MED12: variants seen among roughly 807,000 people sequenced by gnomAD.
The protein encoded by MED12 is mediator complex subunit 12, also known as mediator of RNA polymerase II transcription subunit 12.
MED12 carries 10 observed loss-of-function variants against 177.7 expected under a neutral mutation model. The ratio of observed to expected loss-of-function variants is 0.06; its 90% CI spans 0.03 to 0.10. MED12 has a LOEUF of 0.10. MED12 is among the 10% of genes least tolerant of loss of function. The pLI, the probability that MED12 is intolerant of heterozygous loss-of-function variation, is 1.00. For missense variants in MED12, 867 were observed against 1,780.8 expected (o/e 0.49, Z 9.23); for synonymous variants, 641 against 678.4 (o/e 0.94, Z 0.86).
In MED12 at chrX:71,118,705, C is replaced by T. The variant is rs2092281214; in HGVS notation, c.-50C>T. ...GGCTCCCTCTCCCCCTTCCCGTTCC[C>T]CCAGTCAGCCTGGCCCTGCTGGTGC... On this transcript the variant is annotated 5_prime_UTR_variant, in exon 1 of 45. Coordinates refer to ENST00000374080, the MANE Select transcript of MED12 (RefSeq NM_005120.3). 8.8e-7 allele frequency: 1 copy of T among 1,137,690 alleles called. No homozygotes were observed. Among genetic ancestry groups the T allele is most frequent in the Admixed American group, 2.4e-5 (1 of 41,960 alleles). 93.8% of individuals were successfully genotyped at this position (1,137,690 alleles called of 1,213,427 possible).
Position 71,127,344 on chromosome X carries a change from G to T in MED12, c.2858G>T (p.Gly953Val). The T allele has an allele frequency of 8.3e-7, 1 of 1,211,489 alleles. No homozygotes were observed. Among genetic ancestry groups the T allele is most frequent in the Non-Finnish European group, 1.1e-6 (1 of 895,387 alleles). The change falls in exon 21 of 45, where the codon GGC becomes GTC. Residue 953 changes from glycine to valine, a missense_variant. This residue lies in a region of MED12 where 70 missense variants were observed against 143.6 expected (regional missense o/e 0.49). Transcript: ENST00000374080. ...CTTGCTTCTTCATGCAGGCTGTGTG[G>T]CGTCGTGAAGCATGGGATGAACCGG... ...QMAQVFEGLC[G>V]VVKHGMNRSD...
intron 4 of MED12, 142 bp from the exon 5 acceptor site, chrX:71,120,829 C>G: frequency 2.9e-6 from 2 of 694,142 alleles, no homozygotes; most frequent in Non-Finnish European, 4.4e-6. Flanking sequence ...AGGCTGGTCT[C>G]GAACTCCTGA....
rs1048430774 is a variant in MED12 at position 71,118,619 on chromosome X, T to G, written c.-136T>G. 3 of 549,308 alleles carry G rather than the reference T, an allele frequency of 5.5e-6. No individual in the cohort carries two copies. The highest frequency in any genetic ancestry group is 2.3e-5 in the African/African-American group (1 of 43,293). 45.3% of individuals were successfully genotyped at this position (549,308 alleles called of 1,213,427 possible). A position where few individuals can be genotyped will look rare whatever the true frequency, so the allele number is the denominator to read the frequency against. On this transcript the variant is annotated 5_prime_UTR_variant, in exon 1 of 45. Coordinates refer to ENST00000374080, the MANE Select transcript of MED12 (RefSeq NM_005120.3). ...GTAGTTTCCGGCAATGGTCGAGAGT[T>G]TCTAACGTGCCCCCTTGTTGTCTCT...
In MED12 at chrX:71,140,758, A is replaced by ACAGCAGCAACAGCAACAGCAGCAG. The variant is rs773709991; in HGVS notation, c.6201_6224dup (p.Gln2069_Gln2076dup). The ACAGCAGCAACAGCAACAGCAGCAG allele has an allele frequency of 4.1e-6, 5 of 1,206,389 alleles. No individual in the cohort carries two copies. The highest frequency in any genetic ancestry group is 3.6e-5 in the African/African-American group (2 of 56,271). ...TACCTGAGCAGCAGCAGCAGCAGCA[A>ACAGCAGCAACAGCAACAGCAGCAG]CAGCAGCAACAGCAACAGCAGCAGC... On this transcript the variant is annotated inframe_insertion, in exon 42 of 45. Transcript: ENST00000374080.
chrX:71,124,636 G>C, intron 13 of MED12, 128 bp from the exon 14 acceptor site: 4 of 580,127 alleles, frequency 6.9e-6, no homozygotes, highest in Non-Finnish European at 1.2e-5. Context: ...GATTGGATGA[G>C]GCTTGACTCC....
At position 71,127,360 on chromosome X, in the gene MED12, G is replaced by C; in HGVS notation, c.2874G>C (p.Gly958=). 8.3e-7 allele frequency: 1 copy of C among 1,211,641 alleles called. No homozygotes were observed. The highest frequency in any genetic ancestry group is 1.1e-6 in the Non-Finnish European group (1 of 895,340). The stretch of plus-strand genomic sequence containing the variant: ...GGCTGTGTGGCGTCGTGAAGCATGG[G>C]ATGAACCGGTCCGATGGCTCCTCTG... ...FEGLCGVVKH[G]MNRSDGSSAE... Residue 958 remains glycine (G), a synonymous_variant, in exon 21 of 45, where the codon GGG becomes GGC. Coordinates refer to ENST00000374080, the MANE Select transcript of MED12 (RefSeq NM_005120.3).
At chrX:71,130,325 A>G in intron 28 of MED12, 111 bp downstream of exon 28, 1 of 813,453 alleles carries the variant, frequency 1.2e-6, no homozygotes, top group Non-Finnish European at 1.8e-6. Context: ...GAAGACAAAC[A>G]AGGATATAGG....
chrX:71,120,220 T>C (rs892266957), intron 4 of MED12, 50 bp downstream of exon 4: 1 of 1,134,663 alleles, frequency 8.8e-7, no homozygotes, highest in Non-Finnish European at 1.2e-6. Flanking sequence ...CAAGGAGTGA[T>C]AGAGACACCC....
intron 42 of MED12, 63 bp downstream of exon 42, chrX:71,140,920 T>C (rs977772482): frequency 2.6e-5 from 31 of 1,193,176 alleles, no homozygotes; most frequent in Non-Finnish European, 3.4e-5. Flanking sequence ...CACAAGTTCT[T>C]CCCACACAGT....
rs760423553 is a variant in MED12, at chrX:71,132,476, G to A, written c.4353G>A (p.Leu1451=). The A allele has an allele frequency of 9.1e-6, 11 of 1,206,817 alleles. No individual in the cohort carries two copies. The highest frequency in any genetic ancestry group is 3.6e-5 in the South Asian group (2 of 56,169). ...TGTTAAAGGCTGCTGGGGAAGAATT[G>A]GAGAAGGGTCAGCACCTGGGTTCCT... ...GHVLKAAGEE[L]EKGQHLGSSS... The change falls in exon 31 of 45, where the codon TTG becomes TTA. Residue 1451 remains leucine, a synonymous_variant. Coordinates refer to ENST00000374080, the MANE Select transcript of MED12 (RefSeq NM_005120.3).
In MED12 at chrX:71,141,241, A is replaced by G. The variant is rs1050062166; in HGVS notation, c.6279A>G (p.Gln2093=). The change falls in exon 43 of 45, where the codon CAA becomes CAG. Residue 2093 remains glutamine, a synonymous_variant. Transcript: ENST00000374080. Reference sequence around the variant, plus strand: ...TTGTGTTCTTATAGCAGCAGCAGCAACAGCAACAGCAGCAGCAGCAGCAGC... The same window carrying G: ...TTGTGTTCTTATAGCAGCAGCAGCAGCAGCAACAGCAGCAGCAGCAGCAGC... ...QQQQILRQQQ[Q]QQQQQQQQQQ... is the part of the protein sequence containing the mutation. 5 of 1,161,297 alleles carry G rather than the reference A, an allele frequency of 4.3e-6. No individual in the cohort carries two copies. The highest frequency in any genetic ancestry group is 1.9e-5 in the South Asian group (1 of 52,431).
intron 12 of MED12, 98 bp downstream of exon 12, chrX:71,123,818 C>A (rs897904756): frequency 5.1e-5 from 46 of 897,791 alleles, no homozygotes; most frequent in Non-Finnish European, 7.1e-5. Context: ...GTCTATATTT[C>A]TCTCTTGGGC....
At chrX:71,132,281 G>A in intron 30 of MED12, 75 bp downstream of exon 30, 2 of 1,172,719 alleles carry the variant, frequency 1.7e-6, no homozygotes, top group Non-Finnish European at 2.3e-6. Flanking sequence ...TCAGATGCGT[G>A]GAGATGCCAG....
Position 71,129,738 on chromosome X carries a change from A to G in MED12, c.3750A>G (p.Pro1250=). ...FTVTGGTEEL[P]EEEGGGGSGG... Reference sequence around the variant, plus strand: ...TGACAGGAGGAACAGAAGAACTTCCAGAGGAGGAGGGAGGAGGTGGCAGTG... The same window carrying G: ...TGACAGGAGGAACAGAAGAACTTCCGGAGGAGGAGGGAGGAGGTGGCAGTG... The change falls in exon 27 of 45, where the codon CCA becomes CCG. Residue 1250 remains proline (P), a synonymous_variant. Coordinates refer to ENST00000374080, the MANE Select transcript of MED12 (RefSeq NM_005120.3). 8.3e-7 allele frequency: 1 copy of G among 1,205,064 alleles called. No individual in the cohort carries two copies.
rs2092350552 is a variant in MED12 at position 71,142,438 on chromosome X, G to A, written c.*220G>A. On this transcript the variant is annotated 3_prime_UTR_variant, in exon 45 of 45. Transcript: ENST00000374080. The stretch of plus-strand genomic sequence containing the variant: ...AGAGCTGTTGCACCCAATACACAGA[G>A]CTTCTTTGCAAAGGGAGTGTGCGAG... The A allele has an allele frequency of 7.0e-6, 3 of 425,774 alleles. No homozygotes were observed. Among genetic ancestry groups the A allele is most frequent in the Admixed American group, 4.1e-5 (1 of 24,549 alleles). 35.1% of individuals were successfully genotyped at this position (425,774 alleles called of 1,213,427 possible). A position where few individuals can be genotyped will look rare whatever the true frequency, so the allele number is the denominator to read the frequency against.
rs1484795117 is a variant in MED12 at position 71,140,830 on chromosome X, G to A, written c.6240G>A (p.Arg2080=). The stretch of plus-strand genomic sequence containing the variant: ...AGCAGCAGCAGCAGTACCACATCCG[G>A]CAGCAGCAGCAGCAGCAGATCCTGC... ...QQQQQQQYHI[R]QQQQQQILRQ... Residue 2080 remains arginine (R), a synonymous_variant, in exon 42 of 45, where the codon CGG becomes CGA. Transcript: ENST00000374080. The A allele has an allele frequency of 8.8e-7, 1 of 1,136,065 alleles. No individual in the cohort carries two copies. The highest frequency in any genetic ancestry group is 1.2e-6 in the Non-Finnish European group (1 of 843,553). The allele number at this position is 1,136,065 out of a possible 1,213,427, so 93.6% of individuals were successfully genotyped here.
chrX:71,142,224 C>T lies in MED12; in HGVS notation c.*6C>T. 8.3e-7 allele frequency: 1 copy of T among 1,208,974 alleles called. No homozygotes were observed. Among genetic ancestry groups the T allele is most frequent in the Non-Finnish European group, 1.1e-6 (1 of 892,766 alleles). On this transcript the variant is annotated 3_prime_UTR_variant, in exon 45 of 45. Coordinates refer to ENST00000374080, the MANE Select transcript of MED12 (RefSeq NM_005120.3). ...ACATATTTGGACGCTACTGAGCCAC[C>T]TGGAGGAACTGCTTGTGCACTGGAT... is the stretch of plus-strand genomic sequence containing the variant.
rs143664908 is a variant in MED12, at chrX:71,122,179, T to C, written c.1102-21T>C. The C allele has an allele frequency of 5.2e-3, 6,319 of 1,209,541 alleles. 199 individuals carry two copies. The African/African-American group carries it at 0.097, about 19-fold the overall frequency. On this transcript the variant is annotated intron_variant, in intron 7 of 44. Transcript: ENST00000374080. ...GGTAACCATGGTGAATGAGTTGGAC[T>C]TAGCTGTTTCTATCTGGTAGACCAT...
At position 71,118,698 on chromosome X, in the gene MED12, C is replaced by A; in HGVS notation, c.-57C>A. ...CCTTTTCGGCTCCCTCTCCCCCTTCCCGTTCCCCCAGTCAGCCTGGCCCTG... is the reference window on the plus strand; with the variant it reads ...CCTTTTCGGCTCCCTCTCCCCCTTCACGTTCCCCCAGTCAGCCTGGCCCTG... On this transcript the variant is annotated 5_prime_UTR_variant, in exon 1 of 45. Transcript: ENST00000374080. 3 of 1,119,158 alleles carry A rather than the reference C, an allele frequency of 2.7e-6. No homozygotes were observed. The highest frequency in any genetic ancestry group is 3.6e-6 in the Non-Finnish European group (3 of 824,442). 92.2% of individuals were successfully genotyped at this position (1,119,158 alleles called of 1,213,427 possible). A position where few individuals can be genotyped will look rare whatever the true frequency, so the allele number is the denominator to read the frequency against.
Sources: gnomAD v4.1 joint callset for allele counts on GRCh38, gnomAD v4.1.1 for gene constraint, gnomAD v4.1.1 regional missense constraint, MANE v1.5 for transcripts, NCBI Gene and HGNC (gene_info 2026-07-23, HGNC 2026-07-21) for gene names.